Variants in METAP1D observed in about 807,000 individuals in gnomAD.
The protein encoded by METAP1D is methionine aminopeptidase 1D, mitochondrial.
Under a neutral mutation model 40.5 loss-of-function variants are expected in METAP1D, and 31 were observed. That is an observed-to-expected ratio of 0.77 (90% CI 0.58 to 1.03). The LOEUF (loss-of-function observed/expected upper bound fraction) is 1.03, where lower values mean the gene tolerates loss of function less well. Among genes scored for constraint, METAP1D ranks in the 50% least tolerant of loss-of-function variants. METAP1D has a pLI of 0.00. For missense variants in METAP1D, 411 were observed against 420.7 expected (o/e 0.98, Z 0.20); for synonymous variants, 151 against 146.4 (o/e 1.03, Z -0.22).
At chr2:172,018,394 C>T (rs1209695859) in intron 1 of METAP1D, among the ~76,000 whole-genome samples, 2 of 151,996 alleles carry the variant, frequency 1.3e-5, no homozygotes, top group African/African-American at 2.4e-5. Flanking sequence ...GGCAGCAGAA[C>T]CAAGAAAACA....
intron 5 of METAP1D, among the ~76,000 whole-genome samples, chr2:172,067,352 C>T (rs139734208): frequency 9.7e-4 from 147 of 152,288 alleles, no homozygotes; most frequent in Middle Eastern, 3.4e-3. Context: ...TTCAGTCTGA[C>T]TTTTAGTTTA....
At chr2:172,025,632 T>C (rs1203095381) in intron 1 of METAP1D, among the ~76,000 whole-genome samples, 1 of 152,116 alleles carries the variant, frequency 6.6e-6, no homozygotes, top group African/African-American at 2.4e-5. Context: ...CACCATGTTA[T>C]GGAAAATTTT....
Position 172,079,331 on chromosome 2 carries a change from C to T in METAP1D, c.850+69C>T, listed in dbSNP as rs147863580. On this transcript the variant is annotated intron_variant, in intron 8 of 9. Coordinates refer to ENST00000315796, the MANE Select transcript of METAP1D (RefSeq NM_199227.3). The stretch of plus-strand genomic sequence containing the variant: ...GAAGCTTTTGCCACTGGCCTAGGCC[C>T]GGCAGTCCGGTGAAGGACCAATAAA... 95 of 1,449,446 alleles carry T rather than the reference C, an allele frequency of 6.6e-5. No individual in the cohort carries two copies. The South Asian group carries it at 8.7e-4, about 13-fold the overall frequency. 89.8% of individuals were successfully genotyped at this position (1,449,446 alleles called of 1,614,324 possible). A position where few individuals can be genotyped will look rare whatever the true frequency, so the allele number is the denominator to read the frequency against.
At chr2:172,001,526 A>G (rs191816684) in intron 1 of METAP1D, among the ~76,000 whole-genome samples, 6 of 152,126 alleles carry the variant, frequency 3.9e-5, no homozygotes, top group African/African-American at 1.4e-4. Context: ...CGACAGAGCG[A>G]GACTCCGTCT....
chr2:172,080,025 TGAG>T (rs1559024560), intron 8 of METAP1D, 100 bp from the exon 9 acceptor site: 1 of 998,782 alleles, frequency 1.0e-6, no homozygotes, highest in Non-Finnish European at 1.5e-6. Flanking sequence ...GGGAAGCACT[TGAG>T]GGGAGGGAGG....
chr2:172,054,389 G>A (rs1689955209), intron 1 of METAP1D, among the ~76,000 whole-genome samples: 1 of 151,932 alleles, frequency 6.6e-6, no homozygotes, highest in Non-Finnish European at 1.5e-5. Flanking sequence ...CGTGGTGGTG[G>A]GTGCCTGTAA....
At chr2:172,030,473 G>A (rs149250648) in intron 1 of METAP1D, among the ~76,000 whole-genome samples, 1 of 152,112 alleles carries the variant, frequency 6.6e-6, no homozygotes, top group Non-Finnish European at 1.5e-5. Context: ...AGGTCCAAGG[G>A]TGTGTGACAC....
intron 1 of METAP1D, among the ~76,000 whole-genome samples, chr2:172,008,799 T>C (rs1463355129): frequency 6.6e-6 from 1 of 152,182 alleles, no homozygotes; most frequent in East Asian, 1.9e-4. Flanking sequence ...AGCATTGTGA[T>C]GTAGTTTTAG....
intron 1 of METAP1D, among the ~76,000 whole-genome samples, chr2:172,017,984 G>T (rs1052231687): frequency 1.3e-5 from 2 of 151,828 alleles, no homozygotes; most frequent in Non-Finnish European, 2.9e-5. Flanking sequence ...AAAATTAGCC[G>T]AGTGTGGTGG....
intron 3 of METAP1D, among the ~76,000 whole-genome samples, chr2:172,064,884 TTTTG>T (rs1690214823): frequency 6.6e-6 from 1 of 152,198 alleles, no homozygotes; most frequent in Non-Finnish European, 1.5e-5. Context: ...AAGATTTTAT[TTTTG>T]TTTTAGAATT....
At chr2:172,053,565 A>T (rs1689934836) in intron 1 of METAP1D, among the ~76,000 whole-genome samples, 1 of 152,210 alleles carries the variant, frequency 6.6e-6, no homozygotes, top group Non-Finnish European at 1.5e-5. Context: ...TCTGGCAGGC[A>T]TTCCTCTCTT....
intron 6 of METAP1D, chr2:172,072,528 C>T (rs901905549): frequency 6.0e-6 from 1 of 166,924 alleles, no homozygotes; most frequent in Admixed American, 6.5e-5. Context: ...TAGTCACATT[C>T]ATCAACTGCA....
At chr2:172,063,498 A>T (rs1334522360) in intron 2 of METAP1D, among the ~76,000 whole-genome samples, 1 of 152,166 alleles carries the variant, frequency 6.6e-6, no homozygotes, top group Non-Finnish European at 1.5e-5. Context: ...AGGTTAACAG[A>T]CCATCCAGAG....
Position 172,078,043 on chromosome 2 carries a change from T to C in METAP1D, c.802+149T>C, listed in dbSNP as rs1690591161. ...GTGCAGGGGGCAGGGGAGGGGGGTC[T>C]GCTTAATTTTAACCGGGACATTACT... is the stretch of plus-strand genomic sequence containing the variant. On this transcript the variant is annotated intron_variant, in intron 7 of 9. Transcript: ENST00000315796. 5 of 538,854 alleles carry C rather than the reference T, an allele frequency of 9.3e-6. No individual in the cohort carries two copies. In the South Asian group the frequency reaches 1.2e-4, roughly 13 times the overall value. The allele number at this position is 538,854 out of a possible 1,614,324, so 33.4% of individuals were successfully genotyped here.
chr2:172,053,288 G>A (rs1343527191), intron 1 of METAP1D, among the ~76,000 whole-genome samples: 1 of 152,258 alleles, frequency 6.6e-6, no homozygotes, highest in African/African-American at 2.4e-5. Flanking sequence ...ATCTTTCTGT[G>A]GGTCTAAATC....
chr2:172,061,668 C>G lies in METAP1D; in HGVS notation c.198+13C>G. The G allele has an allele frequency of 6.4e-7, 1 of 1,567,418 alleles. No homozygotes were observed. The highest frequency in any genetic ancestry group is 8.6e-7 in the Non-Finnish European group (1 of 1,158,810). ...TCCGGTTCCTAAGGTACTGTATTGC[C>G]TATTATCTCCTGCTTTTTCCAGCCA... On this transcript the variant is annotated intron_variant, in intron 2 of 9. Coordinates refer to ENST00000315796, the MANE Select transcript of METAP1D (RefSeq NM_199227.3).
intron 1 of METAP1D, among the ~76,000 whole-genome samples, chr2:172,003,959 T>C (rs1688524744): frequency 6.6e-6 from 1 of 151,932 alleles, no homozygotes; most frequent in South Asian, 2.1e-4. Context: ...AGACACGGGG[T>C]TTTGCCATGT....
rs186726694 is a variant in METAP1D at position 172,061,892 on chromosome 2, T to A, written c.198+237T>A. The A allele has an allele frequency of 7.1e-4, 211 of 295,614 alleles. 1 individual carries two copies. Among genetic ancestry groups the A allele is most frequent in the African/African-American group, 4.2e-3 (197 of 46,404 alleles). 18.3% of individuals were successfully genotyped at this position (295,614 alleles called of 1,614,324 possible). On this transcript the variant is annotated intron_variant, in intron 2 of 9. Coordinates refer to ENST00000315796, the MANE Select transcript of METAP1D (RefSeq NM_199227.3). ...GCTTAGAGTATTTAGAATTAAAATT[T>A]TTAACATGAAATTTTCTATATTAAA...
chr2:172,013,442 T>C (rs907053669), intron 1 of METAP1D, among the ~76,000 whole-genome samples: 1 of 152,024 alleles, frequency 6.6e-6, no homozygotes, highest in Non-Finnish European at 1.5e-5. Flanking sequence ...AGAGGAAAGG[T>C]GACAGGTCTC....
Sources: gnomAD v4.1 joint callset for allele counts (sites outside exome capture counted in the v4.1 genomes callset) on GRCh38, gnomAD v4.1.1 for gene constraint, MANE v1.5 for transcripts, NCBI Gene and HGNC (gene_info 2026-07-23, HGNC 2026-07-21) for gene names.